The following SFMBT1 variants were observed in gnomAD, a reference collection of about 807,000 sequenced individuals.
The protein encoded by SFMBT1 is Scm like with four mbt domains 1.
In SFMBT1, 32 loss-of-function variants were observed where a neutral mutation model predicts 108.7. That is an observed-to-expected ratio of 0.29 (90% CI 0.22 to 0.40). SFMBT1 has a LOEUF of 0.40. Ranked by LOEUF, SFMBT1 falls within the 10% of genes least tolerant of loss-of-function variation. The pLI, the probability that SFMBT1 is intolerant of heterozygous loss-of-function variation, is 1.00. For missense variants in SFMBT1, 816 were observed against 1,059.6 expected, an observed-to-expected ratio of 0.77 and a Z score of 3.19; for synonymous variants, 348 against 369.5, an observed-to-expected ratio of 0.94 and a Z score of 0.67.
chr3:52,975,526 G>A (rs1475823658), intron 1 of SFMBT1, among the ~76,000 whole-genome samples: 3 of 152,058 alleles, frequency 2.0e-5, no homozygotes, highest in Non-Finnish European at 4.4e-5. Context: ...TCATCTCTAC[G>A]AAAAATTTAA....
chr3:52,991,342 CTT>C (rs71087045), intron 1 of SFMBT1, among the ~76,000 whole-genome samples: 399 of 91,220 alleles, frequency 4.4e-3, no homozygotes, highest in African/African-American at 0.013. Flanking sequence ...GCTGAAACTT[CTT>C]TTTTTTTTTT....
At chr3:53,041,973 A>G (rs895926471) in intron 1 of SFMBT1, among the ~76,000 whole-genome samples, 5 of 152,210 alleles carry the variant, frequency 3.3e-5, no homozygotes, top group African/African-American at 1.2e-4. Context: ...TCATTTACTC[A>G]TTACAAGTTC....
chr3:52,917,679 A>G (rs1702401797), intron 13 of SFMBT1, among the ~76,000 whole-genome samples: 1 of 152,214 alleles, frequency 6.6e-6, no homozygotes, highest in African/African-American at 2.4e-5. Flanking sequence ...TCACATCAGC[A>G]GCAGCATTAG....
chr3:52,936,899 T>C (rs1703025535), intron 4 of SFMBT1, among the ~76,000 whole-genome samples: 1 of 150,088 alleles, frequency 6.7e-6, no homozygotes. Context: ...ATTTCTTTTT[T>C]TTTTTTTTTT....
chr3:53,025,995 C>T (rs1271773742), intron 1 of SFMBT1, among the ~76,000 whole-genome samples: 4 of 152,182 alleles, frequency 2.6e-5, no homozygotes, highest in South Asian at 2.1e-4. Context: ...GCTAATATTG[C>T]GTGCAAATGG....
intron 9 of SFMBT1, among the ~76,000 whole-genome samples, chr3:52,927,955 C>T (rs1037962704): frequency 1.3e-5 from 2 of 152,170 alleles, no homozygotes; most frequent in African/African-American, 4.8e-5. Context: ...ACATAGATAT[C>T]AAAGTCAGAG....
At chr3:52,913,680 G>A (rs1398383251) in intron 14 of SFMBT1, 63 bp from the exon 15 acceptor site, 46 of 1,563,522 alleles carry the variant, frequency 2.9e-5, no homozygotes, top group Non-Finnish European at 3.8e-5. Context: ...TTCCAAAGCT[G>A]AACTGCCAGG....
intron 4 of SFMBT1, among the ~76,000 whole-genome samples, chr3:52,937,740 G>A (rs903494208): frequency 2.0e-5 from 3 of 151,916 alleles, no homozygotes; most frequent in South Asian, 2.1e-4. Context: ...ACACCACTAC[G>A]GTTGGCTAAT....
intron 1 of SFMBT1, among the ~76,000 whole-genome samples, chr3:53,017,332 C>A (rs1217352199): frequency 6.6e-6 from 1 of 152,222 alleles, no homozygotes; most frequent in Non-Finnish European, 1.5e-5. Context: ...ACTTTACTCT[C>A]CAGGTCCACT....
chr3:53,031,130 A>T (rs773792933), intron 1 of SFMBT1, among the ~76,000 whole-genome samples: 6 of 152,204 alleles, frequency 3.9e-5, no homozygotes, highest in Non-Finnish European at 8.8e-5. Flanking sequence ...AGATACAGCC[A>T]TCATCAGCAA....
At chr3:52,970,709 T>C (rs1429669720) in intron 1 of SFMBT1, among the ~76,000 whole-genome samples, 1 of 150,372 alleles carries the variant, frequency 6.7e-6, no homozygotes, top group Non-Finnish European at 1.5e-5. Context: ...AAGTTTTGAG[T>C]GTGTATTAGA....
intron 1 of SFMBT1, among the ~76,000 whole-genome samples, chr3:52,969,613 G>C (rs1704271080): frequency 1.3e-5 from 2 of 152,126 alleles, no homozygotes; most frequent in Admixed American, 6.5e-5. Flanking sequence ...TGGTCTCCTA[G>C]GGAGACAGGG....
At chr3:52,913,677 GCTGAA>G (rs1702269076) in intron 14 of SFMBT1, 60 bp from the exon 15 acceptor site, 3 of 1,572,662 alleles carry the variant, frequency 1.9e-6, no homozygotes, top group South Asian at 1.2e-5. Flanking sequence ...CGTTTCCAAA[GCTGAA>G]CTGCCAGGGA....
At chr3:52,961,795 T>C (rs978731642) in intron 2 of SFMBT1, among the ~76,000 whole-genome samples, 3 of 152,324 alleles carry the variant, frequency 2.0e-5, no homozygotes, top group Middle Eastern at 6.8e-3. Flanking sequence ...AAAGTCAATT[T>C]ACATTACTAA....
At chr3:52,982,421 G>A (rs150073925) in intron 1 of SFMBT1, among the ~76,000 whole-genome samples, 14 of 152,264 alleles carry the variant, frequency 9.2e-5, no homozygotes, top group Non-Finnish European at 1.9e-4. Context: ...AAAGGTCGGA[G>A]GTGAAGGGTT....
chr3:52,943,254 A>G, intron 4 of SFMBT1, 99 bp downstream of exon 4: 1 of 1,431,224 alleles, frequency 7.0e-7, no homozygotes, highest in Non-Finnish European at 9.5e-7. Flanking sequence ...AGCTGGGTAA[A>G]CCTATATGCT....
chr3:52,936,902 T>C (rs886601546), intron 4 of SFMBT1, among the ~76,000 whole-genome samples: 1 of 150,390 alleles, frequency 6.6e-6, no homozygotes, highest in Admixed American at 6.6e-5. Context: ...TCTTTTTTTT[T>C]TTTTTTTTTG....
At chr3:52,981,120 C>T (rs1704695450) in intron 1 of SFMBT1, among the ~76,000 whole-genome samples, 1 of 150,836 alleles carries the variant, frequency 6.6e-6, no homozygotes, top group Non-Finnish European at 1.5e-5. Context: ...CAAGATCATG[C>T]CACTGCACTC....
intron 1 of SFMBT1, among the ~76,000 whole-genome samples, chr3:53,041,905 A>T (rs1033600397): frequency 6.6e-6 from 1 of 152,084 alleles, no homozygotes; most frequent in Non-Finnish European, 1.5e-5. Context: ...AAAATATCCC[A>T]GTTAGGTAAC....
Sources: allele counts gnomAD v4.1 joint callset (sites outside exome capture counted in the v4.1 genomes callset), GRCh38; gene constraint gnomAD v4.1.1; transcripts MANE v1.5; gene names NCBI Gene and HGNC (gene_info 2026-07-23, HGNC 2026-07-21).